Variants in HARS1 observed in about 807,000 individuals in gnomAD.
The protein encoded by HARS1 is histidine--tRNA ligase, cytoplasmic.
A neutral mutation model predicts 63.6 loss-of-function variants in HARS1; 45 were observed. That is an observed-to-expected ratio of 0.71 (90% CI 0.56 to 0.91). HARS1 has a LOEUF of 0.91. Among genes scored for constraint, HARS1 ranks in the 40% least tolerant of loss-of-function variants. HARS1 has a pLI of 0.00. For missense variants in HARS1, 508 were observed against 643.2 expected, an observed-to-expected ratio of 0.79 and a Z score of 2.27; for synonymous variants, 205 against 247.1, an observed-to-expected ratio of 0.83 and a Z score of 1.60.
intron 2 of HARS1, among the ~76,000 whole-genome samples, chr5:140,686,519 G>A (rs1325706648): frequency 1.4e-5 from 2 of 142,356 alleles, no homozygotes; most frequent in Non-Finnish European, 3.1e-5. Flanking sequence ...GATTACAGGC[G>A]TAAGCCACCA....
chr5:140,675,283 A>G (rs1170939763), intron 10 of HARS1, 150 bp from the exon 11 acceptor site: 7 of 631,382 alleles, frequency 1.1e-5, no homozygotes, highest in Non-Finnish European at 1.7e-5. Context: ...GCATAAAGGT[A>G]GCTTTTAGTA....
rs147011612 is a variant in HARS1, at chr5:140,685,523, T to C, written c.181-2304A>G. Reference sequence around the variant, plus strand: ...GATCACGGGGTCAAGAGATCGAGACTATCCTGGCCAACATGGTGAAACCCC... The same window carrying C: ...GATCACGGGGTCAAGAGATCGAGACCATCCTGGCCAACATGGTGAAACCCC... On this transcript the variant is annotated intron_variant, in intron 2 of 12. Transcript: ENST00000504156. 3.2e-4 allele frequency among the ~76,000 whole-genome samples: 48 copies of C among 151,924 alleles called. 1 individual carries two copies. The East Asian group carries it at 6.6e-3, about 21-fold the overall frequency.
rs1758569398 is a variant in HARS1, at chr5:140,679,166, CT to C, written c.397-40del. The stretch of plus-strand genomic sequence containing the variant: ...GTTAAGGAGAAAGCCCCTCCTATCA[CT>C]GTCTGCAAGTTGATTATCATCACCA... On this transcript the variant is annotated intron_variant, in intron 4 of 12. Transcript: ENST00000504156. The surrounding 1 kb of genome is among the most constrained non-coding windows in gnomAD (Gnocchi z 4.3). The C allele has an allele frequency of 6.2e-7, 1 of 1,609,468 alleles. No homozygotes were observed. Among genetic ancestry groups the C allele is most frequent in the Non-Finnish European group, 8.5e-7 (1 of 1,176,934 alleles).
chr5:140,686,261 A>G (rs1759022893), intron 2 of HARS1, among the ~76,000 whole-genome samples: 1 of 149,660 alleles, frequency 6.7e-6, no homozygotes. Flanking sequence ...TGTTTTTGAG[A>G]TGGAGTCTCA....
intron 3 of HARS1, among the ~76,000 whole-genome samples, chr5:140,680,234 A>ACTCCGGGGTTCAAGAGATTCTC (rs1758642307): frequency 6.6e-6 from 1 of 150,410 alleles, no homozygotes; most frequent in Non-Finnish European, 1.5e-5. Context: ...GCAACCTCTG[A>ACTCCGGGGTTCAAGAGATTCTC]CTCCGGGGTT....
rs113249111 is a variant in HARS1, at chr5:140,683,011, C to T, written c.300+89G>A. Reference sequence around the variant, plus strand: ...TCTGTGTCCACAACAGGAGTGGGCCCTTTGGACCCTCACTCTCTTGTTGTC... The same window carrying T: ...TCTGTGTCCACAACAGGAGTGGGCCTTTTGGACCCTCACTCTCTTGTTGTC... On this transcript the variant is annotated intron_variant, in intron 3 of 12. Coordinates refer to ENST00000504156, the MANE Select transcript of HARS1 (RefSeq NM_002109.6). 8.9e-4 allele frequency: 1,154 copies of T among 1,300,442 alleles called. 6 individuals carry two copies. In the African/African-American group the frequency reaches 0.015, roughly 17 times the overall value. 80.6% of individuals were successfully genotyped at this position (1,300,442 alleles called of 1,614,324 possible). A position where few individuals can be genotyped will look rare whatever the true frequency, so the allele number is the denominator to read the frequency against.
intron 2 of HARS1, among the ~76,000 whole-genome samples, chr5:140,689,069 A>G (rs1759215645): frequency 6.6e-6 from 1 of 152,222 alleles, no homozygotes; most frequent in Non-Finnish European, 1.5e-5. Context: ...ATCATTGATG[A>G]TCACCACTTT....
chr5:140,675,344 T>C, intron 10 of HARS1: 1 of 480,202 alleles, frequency 2.1e-6, no homozygotes, highest in Non-Finnish European at 3.7e-6. Context: ...TCAGAATAAA[T>C]AACTTAGGGC....
chr5:140,682,967 T>G lies in HARS1; in HGVS notation c.300+133A>C, dbSNP rs1758811988. 14 of 759,350 alleles carry G rather than the reference T, an allele frequency of 1.8e-5. No individual in the cohort carries two copies. The South Asian group carries it at 2.8e-4, about 15-fold the overall frequency. The allele number at this position is 759,350 out of a possible 1,614,324, so 47.0% of individuals were successfully genotyped here. A position where few individuals can be genotyped will look rare whatever the true frequency, so the allele number is the denominator to read the frequency against. ...CTCCAAGCCATTCTTGTCCCCCTTC[T>G]TATTGGAGCAAAGACTGGTCTGTGT... On this transcript the variant is annotated intron_variant, in intron 3 of 12. Coordinates refer to ENST00000504156, the MANE Select transcript of HARS1 (RefSeq NM_002109.6).
rs181930530 is a variant in HARS1 at position 140,683,139 on chromosome 5, G to C, written c.261C>G (p.His87Gln). Residue 87 changes from histidine (H) to glutamine (Q), a missense_variant, in exon 3 of 13, where the codon CAC becomes CAG. By Grantham distance (24) the His-to-Gln change is conservative. This residue lies in a region of HARS1 where 403 missense variants were observed against 548.7 expected (regional missense o/e 0.73). Transcript: ENST00000504156. ...FDVIIRCFKR[H>Q]GAEVIDTPVF... is the part of the protein sequence containing the mutation. ...CAGGTGTATCAATGACTTCTGCACCGTGGCGCTTGAAGCAACGGATGATTA... is the reference window on the plus strand; with the variant it reads ...CAGGTGTATCAATGACTTCTGCACCCTGGCGCTTGAAGCAACGGATGATTA... 1 of 1,613,848 alleles carries C rather than the reference G, an allele frequency of 6.2e-7. No homozygotes were observed. The highest frequency in any genetic ancestry group is 1.3e-5 in the African/African-American group (1 of 75,022).
chr5:140,675,818 C>G (rs1206675053), intron 10 of HARS1: 1 of 152,208 alleles, frequency 6.6e-6, no homozygotes, highest in African/African-American at 2.4e-5. Flanking sequence ...TGCTGCTTCC[C>G]TTGTCTTTTT....
chr5:140,688,406 T>C (rs1244919669), intron 2 of HARS1, among the ~76,000 whole-genome samples: 1 of 152,204 alleles, frequency 6.6e-6, no homozygotes, highest in Non-Finnish European at 1.5e-5. Context: ...CTTACATATT[T>C]TTAAATAAAT....
chr5:140,688,482 A>T (rs926721394), intron 2 of HARS1, among the ~76,000 whole-genome samples: 2 of 152,218 alleles, frequency 1.3e-5, no homozygotes, highest in Non-Finnish European at 2.9e-5. Flanking sequence ...ACGGACATTT[A>T]AAAAACCCCA....
At chr5:140,683,790 CCACTG>C (rs1368572090) in intron 2 of HARS1, 1 of 153,560 alleles carries the variant, frequency 6.5e-6, no homozygotes, top group Non-Finnish European at 1.4e-5. Context: ...CGAGATTGTG[CCACTG>C]CACTCCAGCC....
rs764274669 is a variant in HARS1 at position 140,675,012 on chromosome 5, C to T, written c.1311+5G>A. ...TGCTGCCACCCTGGGGCTTGCCTCCCATACCTTGATCCCAGCATCCCACAG... is the reference window on the plus strand; with the variant it reads ...TGCTGCCACCCTGGGGCTTGCCTCCTATACCTTGATCCCAGCATCCCACAG... On this transcript the variant is annotated splice_donor_5th_base_variant and intron_variant, in intron 11 of 12. Coordinates refer to ENST00000504156, the MANE Select transcript of HARS1 (RefSeq NM_002109.6). The T allele has an allele frequency of 1.3e-6, 2 of 1,594,456 alleles. No homozygotes were observed. The highest frequency in any genetic ancestry group is 2.2e-5 in the South Asian group (2 of 90,712).
intron 2 of HARS1, 52 bp downstream of exon 2, chr5:140,690,803 C>G: frequency 9.9e-7 from 1 of 1,010,562 alleles, no homozygotes. Context: ...ATAAGCGCCC[C>G]GTGAGTAGAG....
At position 140,676,941 on chromosome 5, in the gene HARS1, C is replaced by T; in HGVS notation, c.952-45G>A. On this transcript the variant is annotated intron_variant, in intron 9 of 12. Coordinates refer to ENST00000504156, the MANE Select transcript of HARS1 (RefSeq NM_002109.6). This position sits in a 1 kb window ranked among gnomAD's most constrained non-coding sequence, Gnocchi z 4.1. ...GTCAGTGCCAGATTAAGATCAGGGA[C>T]CTGAAGCCCCAGAGCTCAGAAGGGA... 6.2e-7 allele frequency: 1 copy of T among 1,613,838 alleles called. No individual in the cohort carries two copies. Among genetic ancestry groups the T allele is most frequent in the Non-Finnish European group, 8.5e-7 (1 of 1,179,766 alleles).
Position 140,675,430 on chromosome 5 carries a change from G to A in HARS1, c.1195-297C>T, listed in dbSNP as rs142880704. Reference sequence around the variant, plus strand: ...TACCTTTTTTTTTTTTTTGAGACAGGGTCTCTGTCATCCAGGCTGAAGTGC... The same window carrying A: ...TACCTTTTTTTTTTTTTTGAGACAGAGTCTCTGTCATCCAGGCTGAAGTGC... On this transcript the variant is annotated intron_variant, in intron 10 of 12. Transcript: ENST00000504156. 4,899 of 246,234 alleles carry A rather than the reference G, an allele frequency of 0.02. 93 individuals are homozygous for A. Among genetic ancestry groups the A allele is most frequent in the Admixed American group, 0.045 (869 of 19,214 alleles). The allele number at this position is 246,234 out of a possible 1,614,324, so 15.3% of individuals were successfully genotyped here. A position where few individuals can be genotyped will look rare whatever the true frequency, so the allele number is the denominator to read the frequency against.
intron 3 of HARS1, among the ~76,000 whole-genome samples, chr5:140,682,435 A>G (rs892077439): frequency 6.6e-6 from 1 of 152,142 alleles, no homozygotes; most frequent in African/African-American, 2.4e-5. Context: ...ATGAGGTAGG[A>G]GAGGCAGTGG....
Sources: gnomAD v4.1 joint callset for allele counts (sites outside exome capture counted in the v4.1 genomes callset) on GRCh38, gnomAD v4.1.1 for gene constraint, gnomAD v4.1.1 regional missense constraint, Gnocchi (gnomAD v3.1) non-coding constraint, MANE v1.5 for transcripts, NCBI Gene and HGNC (gene_info 2026-07-23, HGNC 2026-07-21) for gene names.